The following OTOGL variants were observed in gnomAD, a reference collection of about 807,000 sequenced individuals.
The protein encoded by OTOGL is otogelin-like protein.
OTOGL carries 285 observed loss-of-function variants against 318.5 expected under a neutral mutation model. The ratio of observed to expected loss-of-function variants is 0.89; its 90% CI spans 0.81 to 0.99. The LOEUF is 0.99. Among genes scored for constraint, OTOGL ranks in the 50% least tolerant of loss-of-function variants. OTOGL has a pLI of 0.00. For synonymous variants in OTOGL, 987 were observed against 936.5 expected (o/e 1.05, Z -0.99); for missense variants, 2,899 against 2,845.6 (o/e 1.02, Z -0.43).
chr12:80,358,603 A>G lies in OTOGL; in HGVS notation c.6122-68A>G, dbSNP rs201714556. ...TGCATTATTGTAATGGCAGTGAACTAAATGGTAGGTAATGAGAAATGGCAA... is the reference window on the plus strand; with the variant it reads ...TGCATTATTGTAATGGCAGTGAACTGAATGGTAGGTAATGAGAAATGGCAA... On this transcript the variant is annotated intron_variant, in intron 50 of 58. Transcript: ENST00000547103. 7.2e-6 allele frequency: 9 copies of G among 1,252,140 alleles called. No homozygotes were observed. The East Asian group carries it at 1.9e-4, about 27-fold the overall frequency. 77.6% of individuals were successfully genotyped at this position (1,252,140 alleles called of 1,614,324 possible). A position where few individuals can be genotyped will look rare whatever the true frequency, so the allele number is the denominator to read the frequency against.
At chr12:80,303,324 T>A (rs907458398) in intron 28 of OTOGL, among the ~76,000 whole-genome samples, 23 of 152,018 alleles carry the variant, frequency 1.5e-4, no homozygotes, top group African/African-American at 5.3e-4. Context: ...CAGGGCTAAT[T>A]TTTTGTATTT....
rs141371107 is a variant in OTOGL, at chr12:80,195,882, G to T, written c.-19-13531G>T. On this transcript the variant is annotated intron_variant, in intron 1 of 58. Transcript: ENST00000547103. Reference sequence around the variant, plus strand: ...GTAGGGTCCTCCCCTTTCCCCAGTGGAGGTTGTTAAACGGTTACCAGAATA... The same window carrying T: ...GTAGGGTCCTCCCCTTTCCCCAGTGTAGGTTGTTAAACGGTTACCAGAATA... Among the ~76,000 whole-genome samples the T allele has an allele frequency of 2.4e-3, 361 of 152,284 alleles. 1 individual carries two copies. Among genetic ancestry groups the T allele is most frequent in the African/African-American group, 8.5e-3 (352 of 41,536 alleles).
chr12:80,149,191 A>G (rs1265931651), intron 1 of OTOGL, among the ~76,000 whole-genome samples: 2 of 151,992 alleles, frequency 1.3e-5, no homozygotes, highest in African/African-American at 2.4e-5. Context: ...GGTTTTATCT[A>G]CTTTTGGTCT....
intron 35 of OTOGL, among the ~76,000 whole-genome samples, chr12:80,326,246 A>C (rs1419107067): frequency 6.6e-6 from 1 of 152,080 alleles, no homozygotes; most frequent in Non-Finnish European, 1.5e-5. Context: ...GTTTAGATAA[A>C]AATGTTTCAT....
chr12:80,267,145 C>A, intron 21 of OTOGL, 108 bp from the exon 22 acceptor site: 3 of 511,196 alleles, frequency 5.9e-6, no homozygotes, highest in Non-Finnish European at 6.6e-6. Context: ...ATAATGCAGA[C>A]CTTAGAGTGT....
In OTOGL at chr12:80,353,332, T is replaced by C; in HGVS notation, c.5415T>C (p.Ser1805=). The change falls in exon 46 of 59, where the codon AGT becomes AGC. Residue 1805 remains serine (S), a synonymous_variant. Coordinates refer to ENST00000547103, the MANE Select transcript of OTOGL (RefSeq NM_001378609.3). ...GTCTCCTATTCTTCAAAGCCCTGAG[T>C]TGCCCAGAGGGGAAGGAATATCAAC... The part of the protein sequence containing the change: ...QWRTPDYCSL[S]CPEGKEYQPC... The C allele has an allele frequency of 1.3e-6, 2 of 1,521,368 alleles. No homozygotes were observed. The highest frequency in any genetic ancestry group is 1.4e-5 in the African/African-American group (1 of 72,760). The allele number at this position is 1,521,368 out of a possible 1,614,324, so 94.2% of individuals were successfully genotyped here. A position where few individuals can be genotyped will look rare whatever the true frequency, so the allele number is the denominator to read the frequency against.
chr12:80,263,948 G>T (rs890555907), intron 19 of OTOGL, among the ~76,000 whole-genome samples: 25 of 152,088 alleles, frequency 1.6e-4, no homozygotes, highest in Non-Finnish European at 2.2e-4. Flanking sequence ...TATAGTTTAA[G>T]TCATTTGTTT....
intron 20 of OTOGL, chr12:80,265,458 C>A (rs1045314987): frequency 8.2e-6 from 4 of 487,214 alleles, no homozygotes; most frequent in Non-Finnish European, 1.5e-5. Flanking sequence ...TTTTGAAATA[C>A]GCAACAGAAA....
At chr12:80,311,384 T>G (rs1886624457) in intron 30 of OTOGL, among the ~76,000 whole-genome samples, 1 of 152,224 alleles carries the variant, frequency 6.6e-6, no homozygotes, top group South Asian at 2.1e-4. Context: ...TATATGGTTA[T>G]TCAGACATTC....
Position 80,336,560 on chromosome 12 carries a change from G to C in OTOGL, c.4743+5G>C. Reference sequence around the variant, plus strand: ...GAAAAATGTTCCATGAATCAGGTGGGTCATAATTTATTTTTGCAGTCATTT... The same window carrying C: ...GAAAAATGTTCCATGAATCAGGTGGCTCATAATTTATTTTTGCAGTCATTT... On this transcript the variant is annotated splice_donor_5th_base_variant and intron_variant, in intron 40 of 58. Transcript: ENST00000547103. 1 of 1,601,656 alleles carries C rather than the reference G, an allele frequency of 6.2e-7. No individual in the cohort carries two copies. The highest frequency in any genetic ancestry group is 8.5e-7 in the Non-Finnish European group (1 of 1,173,158).
At chr12:80,250,488 A>G (rs1565929310) in intron 11 of OTOGL, among the ~76,000 whole-genome samples, 1 of 152,214 alleles carries the variant, frequency 6.6e-6, no homozygotes, top group Non-Finnish European at 1.5e-5. Flanking sequence ...GAAAGAATGC[A>G]CATATTAGAA....
At chr12:80,161,411 T>G (rs1465379068) in intron 1 of OTOGL, among the ~76,000 whole-genome samples, 1 of 152,052 alleles carries the variant, frequency 6.6e-6, no homozygotes, top group Non-Finnish European at 1.5e-5. Context: ...TTTCATAAAT[T>G]TTGAGTAGAA....
At chr12:80,127,005 T>C (rs1025118620) in intron 1 of OTOGL, among the ~76,000 whole-genome samples, 115 of 152,342 alleles carry the variant, frequency 7.5e-4, no homozygotes, top group Non-Finnish European at 1.5e-3. Flanking sequence ...AATTTGCCAG[T>C]CCGTGTCTTT....
At chr12:80,212,757 GT>G (rs1877364522) in intron 4 of OTOGL, among the ~76,000 whole-genome samples, 1 of 152,282 alleles carries the variant, frequency 6.6e-6, no homozygotes, top group African/African-American at 2.4e-5. Flanking sequence ...ATTGCAAATA[GT>G]TTTTATTAGC....
At chr12:80,254,434 T>C (rs1881843284) in intron 14 of OTOGL, 90 bp from the exon 15 acceptor site, 1 of 831,116 alleles carries the variant, frequency 1.2e-6, no homozygotes, top group East Asian at 2.7e-5. Flanking sequence ...ATAAACATGA[T>C]ATATTTTGGT....
At chr12:80,246,290 G>A (rs1012011938) in intron 11 of OTOGL, among the ~76,000 whole-genome samples, 3 of 148,494 alleles carry the variant, frequency 2.0e-5, no homozygotes, top group African/African-American at 7.9e-5. Context: ...AATGATATTG[G>A]CTGTGGGTTT....
At chr12:80,123,549 A>T (rs1374466285) in intron 1 of OTOGL, among the ~76,000 whole-genome samples, 1 of 152,220 alleles carries the variant, frequency 6.6e-6, no homozygotes, top group Non-Finnish European at 1.5e-5. Context: ...GTATATACCC[A>T]GTCAGTAATG....
intron 48 of OTOGL, 118 bp downstream of exon 48, chr12:80,356,638 G>C: frequency 1.2e-6 from 1 of 868,052 alleles, no homozygotes; most frequent in Non-Finnish European, 1.7e-6. Flanking sequence ...TTGCGGACTT[G>C]TCTTGCTAAT....
intron 1 of OTOGL, among the ~76,000 whole-genome samples, chr12:80,164,214 T>A (rs1343447636): frequency 6.6e-6 from 1 of 152,198 alleles, no homozygotes; most frequent in African/African-American, 2.4e-5. Flanking sequence ...AACTTCATCA[T>A]GTAGTATATT....
Sources: gnomAD v4.1 joint callset for allele counts (sites outside exome capture counted in the v4.1 genomes callset) on GRCh38, gnomAD v4.1.1 for gene constraint, MANE v1.5 for transcripts, NCBI Gene and HGNC (gene_info 2026-07-23, HGNC 2026-07-21) for gene names.